The following TRERF1 variants were observed in gnomAD, a reference collection of about 807,000 sequenced individuals.
TRERF1 encodes the protein transcriptional regulating factor 1.
A neutral mutation model predicts 122.9 loss-of-function variants in TRERF1; 27 were observed. The ratio of observed to expected loss-of-function variants is 0.22; its 90% confidence interval spans 0.16 to 0.30. The LOEUF (loss-of-function observed/expected upper bound fraction) is 0.30. Among genes scored for constraint, TRERF1 ranks in the 10% least tolerant of loss-of-function variants. The probability of loss-of-function intolerance (pLI) is 1.00; values close to 1 mark genes in which losing one functional copy is unlikely to be tolerated. For synonymous variants in TRERF1, 636 were observed against 641.7 expected (o/e 0.99, Z 0.13); for missense variants, 1,248 against 1,560.3 (o/e 0.80, Z 3.37).
intron 2 of TRERF1, among the ~76,000 whole-genome samples, chr6:42,437,531 A>C (rs571452445): frequency 3.9e-5 from 6 of 152,350 alleles, no homozygotes; most frequent in African/African-American, 1.4e-4. Context: ...ATGGAAAATG[A>C]GGCTCCAAGA....
At chr6:42,334,641 C>G (rs2150614876) in intron 3 of TRERF1, among the ~76,000 whole-genome samples, 1 of 152,280 alleles carries the variant, frequency 6.6e-6, no homozygotes, top group Non-Finnish European at 1.5e-5. Context: ...GTGAGAGGGG[C>G]TGAGTGGAAC....
chr6:42,435,701 C>T (rs763760567), intron 2 of TRERF1, among the ~76,000 whole-genome samples: 6 of 151,920 alleles, frequency 3.9e-5, no homozygotes, highest in South Asian at 2.1e-4. Flanking sequence ...GGAGGCCGGG[C>T]GCAGTGGCTC....
chr6:42,424,219 G>A (rs989394854), intron 2 of TRERF1, among the ~76,000 whole-genome samples: 1 of 152,140 alleles, frequency 6.6e-6, no homozygotes, highest in Non-Finnish European at 1.5e-5. Flanking sequence ...TGCTGCCCAC[G>A]TAAGCAAGTT....
intron 3 of TRERF1, among the ~76,000 whole-genome samples, chr6:42,313,568 T>G (rs934115458): frequency 6.6e-6 from 1 of 152,108 alleles, no homozygotes; most frequent in African/African-American, 2.4e-5. Flanking sequence ...CTTACCGGGA[T>G]GCAAACGTGC....
chr6:42,375,032 G>T (rs1001417003), intron 2 of TRERF1, among the ~76,000 whole-genome samples: 2 of 143,876 alleles, frequency 1.4e-5, no homozygotes, highest in Non-Finnish European at 3.0e-5. Flanking sequence ...AAAGACATAA[G>T]CACCAATGTG....
chr6:42,343,576 C>T (rs965213735), intron 3 of TRERF1, among the ~76,000 whole-genome samples: 1 of 152,142 alleles, frequency 6.6e-6, no homozygotes, highest in Non-Finnish European at 1.5e-5. Flanking sequence ...TCCTCCCAAC[C>T]CCCTTCAGGC....
chr6:42,416,922 C>T (rs116813163), intron 2 of TRERF1, among the ~76,000 whole-genome samples: 5,663 of 152,128 alleles, frequency 0.037, 141 homozygotes, highest in Non-Finnish European at 0.054. Context: ...AGAACACATA[C>T]TTTCATGTTA....
At chr6:42,428,250 A>G (rs749602576) in intron 2 of TRERF1, among the ~76,000 whole-genome samples, 1 of 152,250 alleles carries the variant, frequency 6.6e-6, no homozygotes. Context: ...TTGTAGGCTC[A>G]ATGATTTTCC....
rs1247352536 is a variant in TRERF1, at chr6:42,276,781, C to T, written c.-258-6933G>A. Among the ~76,000 whole-genome samples the T allele has an allele frequency of 6.6e-6, 1 of 152,150 alleles. No individual in the cohort carries two copies. The highest frequency in any genetic ancestry group is 2.4e-5 in the African/African-American group (1 of 41,422). On this transcript the variant is annotated intron_variant, in intron 4 of 17. Coordinates refer to ENST00000372922, the Ensembl canonical transcript of TRERF1. The surrounding 1 kb of genome is among the most constrained non-coding windows in gnomAD (Gnocchi z 4.3). ...CCCTGGCTTTCCTGCTGACTCTGGG[C>T]TGTGGGAGGATTTTCAAGGCTCCCT...
intron 2 of TRERF1, among the ~76,000 whole-genome samples, chr6:42,446,472 T>G (rs1038608105): frequency 6.6e-6 from 1 of 152,272 alleles, no homozygotes; most frequent in Admixed American, 6.5e-5. Context: ...TCACTGGACT[T>G]GTGGTTTCAT....
At chr6:42,325,199 A>C (rs1764083719) in intron 3 of TRERF1, among the ~76,000 whole-genome samples, 1 of 152,260 alleles carries the variant, frequency 6.6e-6, no homozygotes, top group African/African-American at 2.4e-5. Flanking sequence ...TCAAAGCTAT[A>C]ATGAGATACC....
In TRERF1 at chr6:42,263,289, G is replaced by C. The variant is rs749526024; in HGVS notation, c.1884+31C>G. 1.3e-6 allele frequency: 2 copies of C among 1,590,116 alleles called. No individual in the cohort carries two copies. Among genetic ancestry groups the C allele is most frequent in the South Asian group, 1.2e-5 (1 of 86,600 alleles). ...GGCGTGCGGGGGGCAGCCCCTTGGG[G>C]TGAGTGTGGGGGAGAGAGGGTCATC... On this transcript the variant is annotated intron_variant, in intron 8 of 17. Transcript: ENST00000372922. The surrounding 1 kb of genome is among the most constrained non-coding windows in gnomAD (Gnocchi z 5.6).
chr6:42,301,452 AC>A (rs1440808795), intron 3 of TRERF1, among the ~76,000 whole-genome samples: 1 of 151,902 alleles, frequency 6.6e-6, no homozygotes, highest in African/African-American at 2.4e-5. Flanking sequence ...CTGGTCTTGC[AC>A]TCCTGACCTC....
chr6:42,436,854 A>G (rs1785541102), intron 2 of TRERF1, among the ~76,000 whole-genome samples: 2 of 116,402 alleles, frequency 1.7e-5, no homozygotes, highest in South Asian at 3.2e-4. Flanking sequence ...TATATGAACT[A>G]CTTTCACTTA....
chr6:42,324,416 A>G (rs991651839), intron 3 of TRERF1, among the ~76,000 whole-genome samples: 4 of 152,254 alleles, frequency 2.6e-5, no homozygotes, highest in Non-Finnish European at 5.9e-5. Context: ...TAAAATTCAT[A>G]TGGAACCAAA....
Position 42,259,828 on chromosome 6 carries a change from T to G in TRERF1, c.1885-105A>C, listed in dbSNP as rs1777502529. 1 of 1,495,204 alleles carries G rather than the reference T, an allele frequency of 6.7e-7. No individual in the cohort carries two copies. The highest frequency in any genetic ancestry group is 9.0e-7 in the Non-Finnish European group (1 of 1,117,234). The allele number at this position is 1,495,204 out of a possible 1,614,324, so 92.6% of individuals were successfully genotyped here. A position where few individuals can be genotyped will look rare whatever the true frequency, so the allele number is the denominator to read the frequency against. On this transcript the variant is annotated intron_variant, in intron 8 of 17. Coordinates refer to ENST00000372922, the Ensembl canonical transcript of TRERF1. This position sits in a 1 kb window ranked among gnomAD's most constrained non-coding sequence, Gnocchi z 4.9. ...TTCTACTGTCTAAGCAGAGAGCCCT[T>G]CTGCTTGACCCCCCCACCCCCAACG...
At chr6:42,414,399 A>T (rs1781543103) in intron 2 of TRERF1, among the ~76,000 whole-genome samples, 1 of 152,306 alleles carries the variant, frequency 6.6e-6, no homozygotes, top group East Asian at 1.9e-4. Context: ...TGAATAAGTG[A>T]TTCCATCAAA....
intron 2 of TRERF1, among the ~76,000 whole-genome samples, chr6:42,450,549 A>T (rs1363553146): frequency 6.6e-6 from 1 of 152,220 alleles, no homozygotes; most frequent in Non-Finnish European, 1.5e-5. Context: ...TTTTCTTGTA[A>T]CCTAAGGATG....
rs1414272521 is a variant in TRERF1, at chr6:42,412,233, T to G, written c.-454+38944A>C. 3.3e-5 allele frequency among the ~76,000 whole-genome samples: 5 copies of G among 152,290 alleles called. No homozygotes were observed. The East Asian group carries it at 7.7e-4, about 24-fold the overall frequency. ...TCAGGCTGGTCTCGAACTCCCGACC[T>G]CAGATGATCCGCCCACTTCGGCCTC... is the stretch of plus-strand genomic sequence containing the variant. On this transcript the variant is annotated intron_variant, in intron 2 of 17. Transcript: ENST00000372922.
Sources: gnomAD v4.1 joint callset for allele counts (sites outside exome capture counted in the v4.1 genomes callset) on GRCh38, gnomAD v4.1.1 for gene constraint, Gnocchi (gnomAD v3.1) non-coding constraint, MANE v1.5 for transcripts, NCBI Gene and HGNC (gene_info 2026-07-23, HGNC 2026-07-21) for gene names.